The following KCND2 variants were observed in gnomAD, a reference collection of about 807,000 sequenced individuals.
KCND2 encodes potassium voltage-gated channel subfamily D member 2.
KCND2 carries 16 observed loss-of-function variants against 54.4 expected under a neutral mutation model. The observed-to-expected ratio is 0.29, with a 90% CI of 0.20 to 0.45. KCND2 has a LOEUF of 0.45. KCND2 is among the 20% of genes least tolerant of loss of function. KCND2 has a pLI of 1.00. For synonymous variants in KCND2, 317 were observed against 310.7 expected (o/e 1.02, Z -0.21); for missense variants, 486 against 824.2 (o/e 0.59, Z 5.02).
chr7:120,625,713 A>T (rs1793155755), intron 1 of KCND2, among the ~76,000 whole-genome samples: 1 of 152,140 alleles, frequency 6.6e-6, no homozygotes, highest in African/African-American at 2.4e-5. Context: ...GAATTGTGAA[A>T]TCTGACTGAA....
At chr7:120,571,954 A>G (rs1792371249) in intron 1 of KCND2, among the ~76,000 whole-genome samples, 1 of 152,250 alleles carries the variant, frequency 6.6e-6, no homozygotes, top group South Asian at 2.1e-4. Context: ...AGTGACAGAC[A>G]GTGTAACAAC....
chr7:120,534,989 TA>T (rs1791887142), intron 1 of KCND2, among the ~76,000 whole-genome samples: 1 of 152,200 alleles, frequency 6.6e-6, no homozygotes, highest in Non-Finnish European at 1.5e-5. Flanking sequence ...AATTGTTTTT[TA>T]TGTATAGTCT....
At chr7:120,618,393 T>C (rs1461461468) in intron 1 of KCND2, among the ~76,000 whole-genome samples, 1 of 152,248 alleles carries the variant, frequency 6.6e-6, no homozygotes, top group East Asian at 1.9e-4. Flanking sequence ...TGATCATTAA[T>C]GTATTTGTCT....
intron 1 of KCND2, among the ~76,000 whole-genome samples, chr7:120,480,897 A>G (rs1802598484): frequency 6.6e-6 from 1 of 152,210 alleles, no homozygotes; most frequent in African/African-American, 2.4e-5. Context: ...GAGACTTTGG[A>G]ACTGGGTTAT....
chr7:120,715,103 A>G (rs1792587139), intron 1 of KCND2, among the ~76,000 whole-genome samples: 1 of 152,012 alleles, frequency 6.6e-6, no homozygotes, highest in Admixed American at 6.6e-5. Context: ...ATCAAAGTTG[A>G]TTACAGAGAC....
intron 1 of KCND2, among the ~76,000 whole-genome samples, chr7:120,467,022 C>T (rs191668018): frequency 6.3e-4 from 96 of 152,230 alleles, no homozygotes; most frequent in South Asian, 1.5e-3. Flanking sequence ...ATTGGGCCCA[C>T]CAGAATAATC....
At chr7:120,457,941 G>A (rs1802223675) in intron 1 of KCND2, among the ~76,000 whole-genome samples, 1 of 152,128 alleles carries the variant, frequency 6.6e-6, no homozygotes, top group African/African-American at 2.4e-5. Flanking sequence ...GGTTGTGGAG[G>A]CCTCTGGAAA....
intron 1 of KCND2, among the ~76,000 whole-genome samples, chr7:120,512,409 T>C (rs1803129411): frequency 6.6e-6 from 1 of 151,982 alleles, no homozygotes; most frequent in South Asian, 2.1e-4. Context: ...TTTTTTTGTT[T>C]GTTAGTAAAC....
intron 1 of KCND2, among the ~76,000 whole-genome samples, chr7:120,420,445 G>A (rs1801595382): frequency 6.6e-6 from 1 of 152,102 alleles, no homozygotes; most frequent in African/African-American, 2.4e-5. Context: ...GATAGAGAGG[G>A]AAAGAAAAAA....
chr7:120,314,763 G>A (rs1414049167), intron 1 of KCND2, among the ~76,000 whole-genome samples: 2 of 152,158 alleles, frequency 1.3e-5, no homozygotes, highest in South Asian at 2.1e-4. Flanking sequence ...TAAAGGTTAT[G>A]TAACTTGAAA....
intron 1 of KCND2, among the ~76,000 whole-genome samples, chr7:120,569,546 GC>G (rs1457546425): frequency 3.3e-5 from 5 of 151,952 alleles, no homozygotes; most frequent in African/African-American, 9.7e-5. Context: ...CAGAAAACAT[GC>G]AAAATGTTCC....
At chr7:120,463,111 T>C (rs1802306956) in intron 1 of KCND2, among the ~76,000 whole-genome samples, 2 of 152,098 alleles carry the variant, frequency 1.3e-5, no homozygotes, top group Admixed American at 6.5e-5. Context: ...ACTTTCTAGA[T>C]TGTTTGAGTA....
At chr7:120,527,547 A>T (rs1164316922) in intron 1 of KCND2, among the ~76,000 whole-genome samples, 2 of 152,122 alleles carry the variant, frequency 1.3e-5, no homozygotes, top group African/African-American at 4.8e-5. Context: ...AACTCAGTAA[A>T]GATTTTGTTT....
intron 1 of KCND2, among the ~76,000 whole-genome samples, chr7:120,595,589 G>GTATA (rs1358227121): frequency 1.7e-4 from 7 of 40,422 alleles, no homozygotes; most frequent in South Asian, 2.3e-3. Context: ...ATGTGTGTGT[G>GTATA]TGTATATATA....
chr7:120,308,987 T>C (rs929889729), intron 1 of KCND2, among the ~76,000 whole-genome samples: 3 of 152,166 alleles, frequency 2.0e-5, no homozygotes, highest in Admixed American at 2.0e-4. Flanking sequence ...TGAATGTTTA[T>C]TATAAGATTT....
rs1040522078 is a variant in KCND2, at chr7:120,745,727, G to A, written c.1468-53G>A. The stretch of plus-strand genomic sequence containing the variant: ...CTTTAAAAATAAAGCTATGTATTTC[G>A]TTTTTAAAAATGTGCTTCTCTGTTT... On this transcript the variant is annotated intron_variant, in intron 4 of 5. Coordinates refer to ENST00000331113, the MANE Select transcript of KCND2 (RefSeq NM_012281.3). 9.3e-5 allele frequency: 149 copies of A among 1,603,418 alleles called. 1 individual carries two copies. The highest frequency in any genetic ancestry group is 2.1e-4 in the South Asian group (19 of 90,546).
rs550725785 is a variant in KCND2, at chr7:120,375,722, G to A, written c.1115+99975G>A. 7.2e-5 allele frequency among the ~76,000 whole-genome samples: 11 copies of A among 151,848 alleles called. No homozygotes were observed. The South Asian group carries it at 2.1e-3, about 29-fold the overall frequency. On this transcript the variant is annotated intron_variant, in intron 1 of 5. Transcript: ENST00000331113. ...GTTAACATGGTGTTTTCCTGACGAA[G>A]CTCAAGTTTATAAATGAATTAAATC...
chr7:120,526,469 C>A (rs1220709140), intron 1 of KCND2, among the ~76,000 whole-genome samples: 1 of 152,104 alleles, frequency 6.6e-6, no homozygotes, highest in East Asian at 1.9e-4. Context: ...TTCTTATGAT[C>A]TTCTTTTGTT....
chr7:120,742,361 A>G (rs1466704071), intron 3 of KCND2, 149 bp from the exon 4 acceptor site: 9 of 703,802 alleles, frequency 1.3e-5, no homozygotes, highest in Admixed American at 1.0e-4. Flanking sequence ...ATCCAACTTA[A>G]CAGGAACTGC....
Sources: gnomAD v4.1 joint callset for allele counts (sites outside exome capture counted in the v4.1 genomes callset) on GRCh38, gnomAD v4.1.1 for gene constraint, MANE v1.5 for transcripts, NCBI Gene and HGNC (gene_info 2026-07-23, HGNC 2026-07-21) for gene names.